The following KCNH7 variants were observed in gnomAD, a reference collection of about 807,000 sequenced individuals.
The protein encoded by KCNH7 is potassium voltage-gated channel subfamily H member 7.
In KCNH7, 49 loss-of-function variants were observed where a neutral mutation model predicts 120.8. The observed-to-expected ratio is 0.41, with a 90% CI of 0.32 to 0.51. KCNH7 has a LOEUF of 0.51. Among genes scored for constraint, KCNH7 ranks in the 20% least tolerant of loss-of-function variants. The probability of loss-of-function intolerance (pLI) is 0.38; values close to 1 mark genes in which losing one functional copy is unlikely to be tolerated. For synonymous variants in KCNH7, 547 were observed against 516.1 expected, an observed-to-expected ratio of 1.06 and a Z score of -0.81; for missense variants, 1,097 against 1,446.6, an observed-to-expected ratio of 0.76 and a Z score of 3.92.
intron 9 of KCNH7, among the ~76,000 whole-genome samples, chr2:162,406,622 G>C (rs1240106088): frequency 6.6e-6 from 1 of 151,872 alleles, no homozygotes; most frequent in Non-Finnish European, 1.5e-5. Context: ...TAAACCTCAA[G>C]CATGATTATC....
At chr2:162,663,787 T>G (rs1159217049) in intron 2 of KCNH7, among the ~76,000 whole-genome samples, 1 of 152,166 alleles carries the variant, frequency 6.6e-6, no homozygotes, top group African/African-American at 2.4e-5. Flanking sequence ...GAAATATCAA[T>G]GTAAAACACT....
intron 2 of KCNH7, among the ~76,000 whole-genome samples, chr2:162,613,955 T>TG (rs1683057090): frequency 7.4e-6 from 1 of 134,706 alleles, no homozygotes; most frequent in African/African-American, 2.7e-5. Flanking sequence ...AAGAGAAAGT[T>TG]TTTTTTTTTT....
chr2:162,657,230 G>A (rs1034084284), intron 2 of KCNH7, among the ~76,000 whole-genome samples: 2 of 152,148 alleles, frequency 1.3e-5, no homozygotes, highest in Non-Finnish European at 2.9e-5. Flanking sequence ...GTTTTGAAAA[G>A]CTATAATGAA....
intron 3 of KCNH7, among the ~76,000 whole-genome samples, chr2:162,536,594 T>C (rs1692114950): frequency 6.6e-6 from 1 of 151,976 alleles, no homozygotes. Context: ...AAGATACATT[T>C]GTCCAATAAT....
chr2:162,674,376 A>C (rs1685465347), intron 2 of KCNH7, among the ~76,000 whole-genome samples: 1 of 151,816 alleles, frequency 6.6e-6, no homozygotes, highest in African/African-American at 2.4e-5. Flanking sequence ...AACAATATCC[A>C]CATTCCTGAA....
intron 7 of KCNH7, among the ~76,000 whole-genome samples, chr2:162,439,725 A>G (rs1375763266): frequency 6.6e-6 from 1 of 152,062 alleles, no homozygotes; most frequent in Non-Finnish European, 1.5e-5. Flanking sequence ...CTTTAAAAAC[A>G]CATCCACATC....
chr2:162,394,348 C>T (rs777899949), intron 12 of KCNH7, 41 bp downstream of exon 12: 4 of 1,121,696 alleles, frequency 3.6e-6, no homozygotes, highest in Admixed American at 3.4e-5. Flanking sequence ...GGCTAATTAC[C>T]ACATGCTCTA....
intron 6 of KCNH7, among the ~76,000 whole-genome samples, chr2:162,460,628 A>T (rs1689116832): frequency 6.6e-6 from 1 of 152,204 alleles, no homozygotes; most frequent in African/African-American, 2.4e-5. Flanking sequence ...CTCAGAGACC[A>T]TCATAAAACA....
chr2:162,628,104 A>C (rs1559052530), intron 2 of KCNH7, among the ~76,000 whole-genome samples: 1 of 152,152 alleles, frequency 6.6e-6, no homozygotes, highest in Non-Finnish European at 1.5e-5. Flanking sequence ...TGGTATTAAG[A>C]GGAAAATACA....
At chr2:162,446,897 A>G (rs1422802509) in intron 6 of KCNH7, among the ~76,000 whole-genome samples, 1 of 152,120 alleles carries the variant, frequency 6.6e-6, no homozygotes, top group Non-Finnish European at 1.5e-5. Context: ...CATATATTTA[A>G]TTTATAATTA....
intron 2 of KCNH7, among the ~76,000 whole-genome samples, chr2:162,605,230 G>A (rs1682699385): frequency 6.6e-6 from 1 of 152,042 alleles, no homozygotes; most frequent in Non-Finnish European, 1.5e-5. Context: ...ATCCTGTAGT[G>A]GAAATGAATG....
chr2:162,434,989 C>T (rs1688191655), intron 8 of KCNH7, among the ~76,000 whole-genome samples: 1 of 151,978 alleles, frequency 6.6e-6, no homozygotes, highest in Non-Finnish European at 1.5e-5. Flanking sequence ...ATTTTATGCC[C>T]ATAGTTCCCT....
intron 2 of KCNH7, among the ~76,000 whole-genome samples, chr2:162,696,408 G>A (rs539664692): frequency 5.9e-5 from 9 of 152,152 alleles, no homozygotes; most frequent in Non-Finnish European, 1.2e-4. Flanking sequence ...CTATCATCCC[G>A]AGTCCTTCGA....
intron 3 of KCNH7, among the ~76,000 whole-genome samples, chr2:162,533,017 T>A (rs931212315): frequency 8.6e-5 from 13 of 151,996 alleles, no homozygotes; most frequent in African/African-American, 2.9e-4. Context: ...GCTATTAGGT[T>A]GGTGCAAAAT....
chr2:162,812,662 G>A (rs1445557789), intron 2 of KCNH7, among the ~76,000 whole-genome samples: 1 of 152,042 alleles, frequency 6.6e-6, no homozygotes, highest in Non-Finnish European at 1.5e-5. Flanking sequence ...TTAGACATTA[G>A]GATATAAAGT....
chr2:162,818,844 C>A (rs926677536), intron 2 of KCNH7, among the ~76,000 whole-genome samples: 1 of 152,044 alleles, frequency 6.6e-6, no homozygotes, highest in African/African-American at 2.4e-5. Context: ...AAACATGGCA[C>A]GGCAAGTGAC....
intron 14 of KCNH7, among the ~76,000 whole-genome samples, chr2:162,378,968 A>C (rs1573890353): frequency 1.3e-5 from 2 of 152,230 alleles, no homozygotes; most frequent in South Asian, 4.1e-4. Context: ...ATGCATGAAC[A>C]TTGTGTAAGT....
intron 8 of KCNH7, among the ~76,000 whole-genome samples, chr2:162,432,067 T>C (rs1164794813): frequency 6.6e-6 from 1 of 152,060 alleles, no homozygotes; most frequent in Non-Finnish European, 1.5e-5. Context: ...AGTTTCAAAA[T>C]ACAGGTTCTA....
chr2:162,607,861 A>G (rs2105965417), intron 2 of KCNH7, among the ~76,000 whole-genome samples: 1 of 152,320 alleles, frequency 6.6e-6, no homozygotes, highest in Non-Finnish European at 1.5e-5. Context: ...TACCAAAATA[A>G]GTTATACTTT....
Sources: allele counts gnomAD v4.1 joint callset (sites outside exome capture counted in the v4.1 genomes callset), GRCh38; gene constraint gnomAD v4.1.1; transcripts MANE v1.5; gene names NCBI Gene and HGNC (gene_info 2026-07-23, HGNC 2026-07-21).